GPR55: variants seen among roughly 807,000 people sequenced by gnomAD.
GPR55 encodes G protein-coupled receptor 55.
GPR55 carries 6 observed loss-of-function variants against 7.9 expected under a neutral mutation model. The observed-to-expected ratio is 0.76, with a 90% CI of 0.41 to 1.49. The LOEUF is 1.49. Ranked by LOEUF, GPR55 falls within the 40% of genes most tolerant of loss-of-function variation. The pLI is 0.01. For synonymous variants in GPR55, 183 were observed against 166.8 expected (o/e 1.10, Z -0.75); for missense variants, 376 against 406.0 (o/e 0.93, Z 0.63).
chr2:230,944,103 G>T lies in GPR55; in HGVS notation c.-135+16672C>A, dbSNP rs1417954838. Among the ~76,000 whole-genome samples the T allele has an allele frequency of 6.6e-6, 1 of 152,192 alleles. No individual in the cohort carries two copies. Among genetic ancestry groups the T allele is most frequent in the East Asian group, 1.9e-4 (1 of 5,196 alleles). Reference sequence around the variant, plus strand: ...GTGAAGTGAGAAGCCTCTCCATGAAGATGCCTTCTGCCATTCATTACACAC... The same window carrying T: ...GTGAAGTGAGAAGCCTCTCCATGAATATGCCTTCTGCCATTCATTACACAC... On this transcript the variant is annotated intron_variant, in intron 1 of 1. Coordinates refer to the GPR55 transcript ENST00000392039. The surrounding 1 kb of genome is among the most constrained non-coding windows in gnomAD (Gnocchi z 4.2).
chr2:230,927,884 A>T (rs1055005938), upstream of GPR55, among the ~76,000 whole-genome samples: 4 of 152,100 alleles, frequency 2.6e-5, no homozygotes, highest in Non-Finnish European at 5.9e-5. Context: ...AAGGGGGGAA[A>T]CCTGCCCACC....
intron 1 of GPR55, among the ~76,000 whole-genome samples, chr2:230,932,619 T>G (rs1691065397): frequency 6.6e-6 from 1 of 152,132 alleles, no homozygotes; most frequent in Admixed American, 6.5e-5. Flanking sequence ...ACAAGGACAG[T>G]CTCCACGTGG....
At chr2:230,925,566 C>T (rs888340820), upstream of GPR55, among the ~76,000 whole-genome samples, 5 of 152,184 alleles carry the variant, frequency 3.3e-5, no homozygotes, top group African/African-American at 9.6e-5. Context: ...AAGCCTCCTA[C>T]GCACCCCAGA....
chr2:230,944,848 C>T lies in GPR55; in HGVS notation c.-135+15927G>A, dbSNP rs1691286227. ...ATTGCCTGCCCTCATGCTGGTTGTT[C>T]AGCCCTCCAAGAATCATTCTTGATG... On this transcript the variant is annotated intron_variant, in intron 1 of 1. Coordinates refer to the GPR55 transcript ENST00000392039. The surrounding 1 kb of genome is among the most constrained non-coding windows in gnomAD (Gnocchi z 4.2). 6.6e-6 allele frequency among the ~76,000 whole-genome samples: 1 copy of T among 152,234 alleles called. No individual in the cohort carries two copies. The highest frequency in any genetic ancestry group is 6.5e-5 in the Admixed American group (1 of 15,290).
intron 1 of GPR55, among the ~76,000 whole-genome samples, chr2:230,951,033 C>T (rs905158873): frequency 6.6e-6 from 1 of 152,174 alleles, no homozygotes; most frequent in Non-Finnish European, 1.5e-5. Flanking sequence ...TCCTTTGTAA[C>T]ATCCTTTAGA....
chr2:230,951,755 GGTT>G (rs565299651), intron 1 of GPR55, among the ~76,000 whole-genome samples: 6,619 of 148,028 alleles, frequency 0.045, 324 homozygotes, highest in African/African-American at 0.13. Context: ...TTGTTATTGG[GGTT>G]TTTTTTTTTT....
At chr2:230,914,503 TC>T (rs1690664365) in intron 1 of GPR55, among the ~76,000 whole-genome samples, 1 of 151,988 alleles carries the variant, frequency 6.6e-6, no homozygotes, top group Admixed American at 6.5e-5. Flanking sequence ...AAGGAAACCA[TC>T]TTTTTAGAGT....
chr2:230,933,870 C>T (rs887677930), intron 1 of GPR55, among the ~76,000 whole-genome samples: 5 of 152,130 alleles, frequency 3.3e-5, no homozygotes, highest in African/African-American at 7.2e-5. Context: ...GGGATGTGTC[C>T]GCTAGGAGAG....
intron 1 of GPR55, among the ~76,000 whole-genome samples, chr2:230,941,413 C>T (rs1364685016): frequency 6.6e-6 from 1 of 152,224 alleles, no homozygotes; most frequent in Non-Finnish European, 1.5e-5. Flanking sequence ...CCTGGGGGGC[C>T]TGCCCCCGCT....
At chr2:230,943,882 T>C (rs1691272994) in intron 1 of GPR55, among the ~76,000 whole-genome samples, 2 of 152,244 alleles carry the variant, frequency 1.3e-5, no homozygotes, top group African/African-American at 4.8e-5. Flanking sequence ...GCAGGGCAGA[T>C]GCCGGCACCA....
rs944725520 is a variant in GPR55, at chr2:230,923,381, C to G, written c.-135+1787G>C. On this transcript the variant is annotated intron_variant, in intron 1 of 1. Coordinates refer to ENST00000650999, the MANE Select transcript of GPR55 (RefSeq NM_005683.4). The surrounding 1 kb of genome is among the most constrained non-coding windows in gnomAD (Gnocchi z 4.1). Reference sequence around the variant, plus strand: ...CCTAAAAAAGCAGCATTGGCACAGCCGCAGGGATGGATTTGAGGAGCCCTG... The same window carrying G: ...CCTAAAAAAGCAGCATTGGCACAGCGGCAGGGATGGATTTGAGGAGCCCTG... Among the ~76,000 whole-genome samples, 1 of 152,174 alleles carries G rather than the reference C, an allele frequency of 6.6e-6. No homozygotes were observed. Among genetic ancestry groups the G allele is most frequent in the Non-Finnish European group, 1.5e-5 (1 of 68,026 alleles).
At chr2:230,925,461 C>T (rs187973334), upstream of GPR55, among the ~76,000 whole-genome samples, 15 of 152,104 alleles carry the variant, frequency 9.9e-5, no homozygotes, top group East Asian at 2.7e-3. Flanking sequence ...AAGATCTGCA[C>T]GCCCCCCTCC....
At position 230,910,992 on chromosome 2, in the gene GPR55, C is replaced by T. The variant is rs533012519; in HGVS notation, c.-30G>A. The T allele has an allele frequency of 2.0e-5, 32 of 1,564,264 alleles. No homozygotes were observed. The highest frequency in any genetic ancestry group is 1.9e-4 in the South Asian group (16 of 82,732). On this transcript the variant is annotated 5_prime_UTR_variant, in exon 2 of 2. Transcript: ENST00000650999. This position sits in a 1 kb window ranked among gnomAD's most constrained non-coding sequence, Gnocchi z 5.4. The stretch of plus-strand genomic sequence containing the variant: ...CTTCCTACAACACCAACAGATCAGA[C>T]GGGGCTCCTTTCACTCTCTTGAAGT...
chr2:230,930,055 C>T (rs1691010017), upstream of GPR55: 1 of 152,390 alleles, frequency 6.6e-6, no homozygotes, highest in African/African-American at 2.4e-5. Flanking sequence ...GCCAGGACCC[C>T]CCCGCCTCCC....
At chr2:230,928,012 G>A (rs917214460), upstream of GPR55, among the ~76,000 whole-genome samples, 10 of 152,210 alleles carry the variant, frequency 6.6e-5, no homozygotes, top group African/African-American at 1.7e-4. Context: ...TAAGAGACAC[G>A]GGGAGGGAGG....
chr2:230,960,540 G>A (rs561233802), intron 1 of GPR55, among the ~76,000 whole-genome samples: 51 of 152,124 alleles, frequency 3.4e-4, no homozygotes, highest in African/African-American at 1.2e-3. Context: ...TAGTAGGGAG[G>A]TAGAATCCCA....
rs1691278485 is a variant in GPR55 at position 230,944,271 on chromosome 2, A to C, written c.-135+16504T>G. On this transcript the variant is annotated intron_variant, in intron 1 of 1. Coordinates refer to the GPR55 transcript ENST00000392039. The surrounding 1 kb of genome is among the most constrained non-coding windows in gnomAD (Gnocchi z 4.2). ...ATCCACATCCCTCCAACGTGTGCCC[A>C]CATGACTGTCCCGGGGGCTTCCATG... Among the ~76,000 whole-genome samples the C allele has an allele frequency of 6.6e-6, 1 of 152,240 alleles. No homozygotes were observed. The highest frequency in any genetic ancestry group is 2.4e-5 in the African/African-American group (1 of 41,466).
intron 1 of GPR55, among the ~76,000 whole-genome samples, chr2:230,936,599 T>C (rs1381695475): frequency 6.6e-6 from 1 of 152,176 alleles, no homozygotes; most frequent in African/African-American, 2.4e-5. Flanking sequence ...ATTAGCAGCA[T>C]GAGAATGGAC....
chr2:230,929,110 C>T (rs917551875), upstream of GPR55, among the ~76,000 whole-genome samples: 7 of 152,200 alleles, frequency 4.6e-5, no homozygotes, highest in East Asian at 9.6e-4. Flanking sequence ...ACCTCGGCCT[C>T]CCAAAGTGCT....
Sources: allele counts gnomAD v4.1 joint callset (sites outside exome capture counted in the v4.1 genomes callset), GRCh38; gene constraint gnomAD v4.1.1; non-coding constraint Gnocchi (gnomAD v3.1); transcripts MANE v1.5; gene names NCBI Gene and HGNC (gene_info 2026-07-23, HGNC 2026-07-21).